DPP10: variants seen among roughly 807,000 people sequenced by gnomAD.
DPP10 encodes dipeptidyl peptidase like 10.
Under a neutral mutation model 120.9 loss-of-function variants are expected in DPP10, and 33 were observed. That is an observed-to-expected ratio of 0.27 (90% CI 0.21 to 0.37). DPP10 has a LOEUF of 0.37. DPP10 is among the 10% of genes least tolerant of loss of function. The pLI, the probability that DPP10 is intolerant of heterozygous loss-of-function variation, is 1.00. For synonymous variants in DPP10, 337 were observed against 326.1 expected (o/e 1.03, Z -0.36); for missense variants, 816 against 942.8 (o/e 0.87, Z 1.76).
At chr2:115,403,323 G>T (rs1311586125) in intron 3 of DPP10, among the ~76,000 whole-genome samples, 3 of 147,992 alleles carry the variant, frequency 2.0e-5, no homozygotes, top group Admixed American at 6.8e-5. Flanking sequence ...TTTCCTGTAA[G>T]ATCAGGGACA....
At chr2:114,823,231 C>G (rs551885542) in intron 1 of DPP10, among the ~76,000 whole-genome samples, 2 of 152,274 alleles carry the variant, frequency 1.3e-5, no homozygotes, top group East Asian at 3.9e-4. Flanking sequence ...GAAGGGAACT[C>G]TTTGCAGGGA....
At chr2:114,569,163 T>C (rs1377379213) in intron 1 of DPP10, among the ~76,000 whole-genome samples, 1 of 152,224 alleles carries the variant, frequency 6.6e-6, no homozygotes, top group Non-Finnish European at 1.5e-5. Flanking sequence ...TTTTTAACAC[T>C]GAGAAAGTCT....
chr2:114,802,808 T>C (rs1213780913), intron 1 of DPP10, among the ~76,000 whole-genome samples: 1 of 152,180 alleles, frequency 6.6e-6, no homozygotes, highest in Non-Finnish European at 1.5e-5. Context: ...TCTAAGTAAG[T>C]TCCTAATTTT....
chr2:115,529,447 C>T lies in DPP10; in HGVS notation c.441+3475C>T, dbSNP rs1334470256. Among the ~76,000 whole-genome samples the T allele has an allele frequency of 7.3e-5, 9 of 123,376 alleles. No individual in the cohort carries two copies. In the South Asian group the frequency reaches 2.4e-3, roughly 33 times the overall value. 80.9% of individuals were successfully genotyped at this position (123,376 alleles called of 152,430 possible). ...GCCTTGCAAGTGTGAGCCAACATGC[C>T]TGGTGGCAAAAGTTTTTTTTTTTTT... On this transcript the variant is annotated intron_variant, in intron 5 of 25. Transcript: ENST00000410059.
At chr2:115,451,568 AC>A (rs1452218425) in intron 3 of DPP10, among the ~76,000 whole-genome samples, 1 of 151,930 alleles carries the variant, frequency 6.6e-6, no homozygotes, top group African/African-American at 2.4e-5. Context: ...GATAGAAGTC[AC>A]TTAATTAAAA....
chr2:115,007,142 C>T (rs1320816540), intron 1 of DPP10, among the ~76,000 whole-genome samples: 3 of 152,008 alleles, frequency 2.0e-5, no homozygotes, highest in African/African-American at 4.8e-5. Flanking sequence ...GAAATGAAGG[C>T]ATCCTTGATG....
At chr2:114,664,580 G>A (rs1697750320) in intron 1 of DPP10, among the ~76,000 whole-genome samples, 2 of 140,366 alleles carry the variant, frequency 1.4e-5, no homozygotes, top group Admixed American at 7.7e-5. Flanking sequence ...AGTGAGCCGA[G>A]ATTGTGGCAC....
At chr2:115,689,762 T>G (rs1345213816) in intron 6 of DPP10, 23 bp downstream of exon 6, 1 of 1,606,990 alleles carries the variant, frequency 6.2e-7, no homozygotes, top group Non-Finnish European at 8.5e-7. Flanking sequence ...ATTTTCTAGT[T>G]TTCATGAGCA....
At chr2:115,553,204 A>C (rs1433919654) in intron 5 of DPP10, among the ~76,000 whole-genome samples, 1 of 152,186 alleles carries the variant, frequency 6.6e-6, no homozygotes, top group Non-Finnish European at 1.5e-5. Flanking sequence ...TTGACTTTCA[A>C]AGTATATCCT....
intron 1 of DPP10, among the ~76,000 whole-genome samples, chr2:115,134,961 C>T (rs1307223019): frequency 6.6e-6 from 1 of 152,050 alleles, no homozygotes; most frequent in Non-Finnish European, 1.5e-5. Flanking sequence ...CACACTGCTG[C>T]TCTAACAGAA....
chr2:115,136,344 G>A (rs2050651845), intron 1 of DPP10, among the ~76,000 whole-genome samples: 1 of 152,138 alleles, frequency 6.6e-6, no homozygotes, highest in African/African-American at 2.4e-5. Context: ...GTGTTTCTGT[G>A]ATGATGTGGA....
At chr2:115,218,047 C>T (rs1186628045) in intron 1 of DPP10, among the ~76,000 whole-genome samples, 1 of 152,126 alleles carries the variant, frequency 6.6e-6, no homozygotes, top group Non-Finnish European at 1.5e-5. Flanking sequence ...GTTTCAGTGT[C>T]TCAATTATGA....
chr2:114,454,619 T>C (rs180917490), intron 1 of DPP10, among the ~76,000 whole-genome samples: 1 of 152,338 alleles, frequency 6.6e-6, no homozygotes, highest in African/African-American at 2.4e-5. Context: ...ATGAGAATGC[T>C]TCCTGTTCCT....
At chr2:115,800,578 T>G (rs551292264) in intron 19 of DPP10, among the ~76,000 whole-genome samples, 2,289 of 151,380 alleles carry the variant, frequency 0.015, 63 homozygotes, top group African/African-American at 0.052. Context: ...GGTCTAACGT[T>G]TAAGTCTTTA....
Position 115,755,722 on chromosome 2 carries a change from A to G in DPP10, c.1074+2425A>G, listed in dbSNP as rs533539648. 4.6e-5 allele frequency among the ~76,000 whole-genome samples: 7 copies of G among 152,124 alleles called. No individual in the cohort carries two copies. The East Asian group carries it at 7.7e-4, about 17-fold the overall frequency. On this transcript the variant is annotated intron_variant, in intron 11 of 25. Coordinates refer to ENST00000410059, the MANE Select transcript of DPP10 (RefSeq NM_020868.6). ...AAAAAACTAAAACTATAATTAACAT[A>G]TGTTACTAGCAATTCTACTACTGGG...
chr2:115,173,957 C>G (rs2053535394), intron 1 of DPP10, among the ~76,000 whole-genome samples: 1 of 152,150 alleles, frequency 6.6e-6, no homozygotes, highest in Non-Finnish European at 1.5e-5. Flanking sequence ...GTAGAAGGAG[C>G]CTCACTCAAT....
chr2:114,935,576 A>G (rs1444001633), intron 1 of DPP10, among the ~76,000 whole-genome samples: 2 of 152,188 alleles, frequency 1.3e-5, no homozygotes, highest in African/African-American at 2.4e-5. Context: ...TCATTTTCTC[A>G]TAGGAACTAT....
chr2:114,797,777 C>G (rs141159526), intron 1 of DPP10, among the ~76,000 whole-genome samples: 2 of 152,246 alleles, frequency 1.3e-5, no homozygotes, highest in Non-Finnish European at 1.5e-5. Flanking sequence ...CCTCCAGTAC[C>G]CAGGAGATGC....
intron 1 of DPP10, among the ~76,000 whole-genome samples, chr2:114,521,251 G>GAT (rs1685025086): frequency 6.9e-6 from 1 of 144,506 alleles, no homozygotes; most frequent in African/African-American, 2.6e-5. Flanking sequence ...CACATGCACA[G>GAT]ACACACACAC....
Sources: gnomAD v4.1 joint callset for allele counts (sites outside exome capture counted in the v4.1 genomes callset) on GRCh38, gnomAD v4.1.1 for gene constraint, MANE v1.5 for transcripts, NCBI Gene and HGNC (gene_info 2026-07-23, HGNC 2026-07-21) for gene names.